The following RUNDC3A variants were observed in gnomAD, a reference collection of about 807,000 sequenced individuals.
RUNDC3A encodes RUN domain containing 3A.
A neutral mutation model predicts 53.9 loss-of-function variants in RUNDC3A; 28 were observed. The observed-to-expected ratio is 0.52, with a 90% CI of 0.38 to 0.71. The LOEUF is 0.71. RUNDC3A is among the 30% of genes least tolerant of loss of function. RUNDC3A has a pLI of 0.00. For synonymous variants in RUNDC3A, 232 were observed against 249.4 expected (o/e 0.93, Z 0.66); for missense variants, 491 against 597.3 (o/e 0.82, Z 1.85).
intron 1 of RUNDC3A, chr17:44,311,404 C>A: frequency 1.1e-6 from 1 of 922,080 alleles, no homozygotes; most frequent in African/African-American, 1.8e-5. Context: ...TACTCATAAG[C>A]CATGTGACTC....
chr17:44,313,504 G>T lies in RUNDC3A; in HGVS notation c.458+1G>T, dbSNP rs1393654572. ...CTCTGCGTGACACCCGGACCACCAG[G>T]TCAGACTTCCCAGGCAACTCAGACC... On this transcript the variant is annotated splice_donor_variant, in intron 4 of 10. Transcript: ENST00000426726. LOFTEE classifies it high-confidence loss of function. 1 of 1,607,120 alleles carries T rather than the reference G, an allele frequency of 6.2e-7. No individual in the cohort carries two copies. Among genetic ancestry groups the T allele is most frequent in the Non-Finnish European group, 8.5e-7 (1 of 1,174,400 alleles).
rs369230112 is a variant in RUNDC3A, at chr17:44,313,159, T to C, written c.279T>C (p.Phe93=). 60 of 1,614,058 alleles carry C rather than the reference T, an allele frequency of 3.7e-5. No individual in the cohort carries two copies. In the African/African-American group the frequency reaches 6.7e-4, roughly 18 times the overall value. ...TCAGCTCAGACGGGCAGCGGGGCTTTTGGGACTATATCCGGCTGGCCTGCA... is the reference window on the plus strand; with the variant it reads ...TCAGCTCAGACGGGCAGCGGGGCTTCTGGGACTATATCCGGCTGGCCTGCA... ...SWFSSDGQRG[F]WDYIRLACSK... Residue 93 remains phenylalanine, a synonymous_variant, in exon 3 of 11, where the codon TTT becomes TTC. Transcript: ENST00000426726.
In RUNDC3A at chr17:44,313,051, G is replaced by A. The variant is rs1301665024; in HGVS notation, c.224-53G>A. On this transcript the variant is annotated intron_variant, in intron 2 of 10. Coordinates refer to ENST00000426726, the MANE Select transcript of RUNDC3A (RefSeq NM_001144825.2). The stretch of plus-strand genomic sequence containing the variant: ...ATGCATGTGAGTGCCTCACTACATG[G>A]ACCCTCTCCAAACTCCCTGGTCTTG... 4.4e-6 allele frequency: 7 copies of A among 1,599,260 alleles called. No homozygotes were observed. In the Admixed American group the frequency reaches 1.2e-4, roughly 27 times the overall value.
intron 1 of RUNDC3A, among the ~76,000 whole-genome samples, chr17:44,311,978 C>T (rs1009962015): frequency 2.0e-5 from 3 of 152,190 alleles, no homozygotes; most frequent in African/African-American, 7.2e-5. Flanking sequence ...TGTGGGAGGC[C>T]AAGCCGGGAA....
rs2047919579 is a variant in RUNDC3A at position 44,318,445 on chromosome 17, G to A, written c.*207G>A. Reference sequence around the variant, plus strand: ...GGAAGAAAGCACGCTGGGCCAGGAGGCAGGGGTGCCCAAGCCACAGGGAGC... The same window carrying A: ...GGAAGAAAGCACGCTGGGCCAGGAGACAGGGGTGCCCAAGCCACAGGGAGC... On this transcript the variant is annotated 3_prime_UTR_variant, in exon 11 of 11. Transcript: ENST00000426726. 2 of 607,246 alleles carry A rather than the reference G, an allele frequency of 3.3e-6. No homozygotes were observed. The highest frequency in any genetic ancestry group is 3.0e-5 in the Admixed American group (1 of 33,312). 37.6% of individuals were successfully genotyped at this position (607,246 alleles called of 1,614,324 possible). A position where few individuals can be genotyped will look rare whatever the true frequency, so the allele number is the denominator to read the frequency against.
Position 44,315,775 on chromosome 17 carries a change from G to A in RUNDC3A, c.953+166G>A. The A allele has an allele frequency of 1.8e-6, 1 of 542,504 alleles. No individual in the cohort carries two copies. Among genetic ancestry groups the A allele is most frequent in the Non-Finnish European group, 2.9e-6 (1 of 344,254 alleles). 33.6% of individuals were successfully genotyped at this position (542,504 alleles called of 1,614,324 possible). Reference sequence around the variant, plus strand: ...AGCCCCACCCCGAGATGCCCACAATGATCTTCTAACATTGCCCCCAGCATA... The same window carrying A: ...AGCCCCACCCCGAGATGCCCACAATAATCTTCTAACATTGCCCCCAGCATA... On this transcript the variant is annotated intron_variant, in intron 8 of 10. Coordinates refer to ENST00000426726, the MANE Select transcript of RUNDC3A (RefSeq NM_001144825.2). This position sits in a 1 kb window ranked among gnomAD's most constrained non-coding sequence, Gnocchi z 6.1.
chr17:44,316,371 C>T lies in RUNDC3A; in HGVS notation c.954-14C>T, dbSNP rs751084181. On this transcript the variant is annotated splice_polypyrimidine_tract_variant and intron_variant, in intron 8 of 10. Transcript: ENST00000426726. Reference sequence around the variant, plus strand: ...CTACTTCCAGCCAGGCCTGACTCCTCCTCCCCCTCCCAGGACAGGTCTGAT... The same window carrying T: ...CTACTTCCAGCCAGGCCTGACTCCTTCTCCCCCTCCCAGGACAGGTCTGAT... The T allele has an allele frequency of 1.3e-5, 21 of 1,603,054 alleles. No individual in the cohort carries two copies. Among genetic ancestry groups the T allele is most frequent in the Admixed American group, 1.0e-4 (6 of 59,420 alleles).
chr17:44,318,605 T>C lies in RUNDC3A; in HGVS notation c.*367T>C, dbSNP rs2047922961. The C allele has an allele frequency of 9.1e-6, 2 of 220,530 alleles. No individual in the cohort carries two copies. The highest frequency in any genetic ancestry group is 1.8e-5 in the Non-Finnish European group (2 of 109,196). 13.7% of individuals were successfully genotyped at this position (220,530 alleles called of 1,614,324 possible). ...TCTAGCCTCTCCATCTGTCTGTGTATGGCCTGGAGTCACTCCTTCCTCAGC... is the reference window on the plus strand; with the variant it reads ...TCTAGCCTCTCCATCTGTCTGTGTACGGCCTGGAGTCACTCCTTCCTCAGC... On this transcript the variant is annotated 3_prime_UTR_variant, in exon 11 of 11. Coordinates refer to ENST00000426726, the MANE Select transcript of RUNDC3A (RefSeq NM_001144825.2).
At chr17:44,314,409 C>G in intron 4 of RUNDC3A, 1 of 1,178,418 alleles carries the variant, frequency 8.5e-7, no homozygotes, top group Admixed American at 4.2e-5. Context: ...CAAGTTAACA[C>G]GTTTTTTGCG....
At chr17:44,314,077 G>A in intron 4 of RUNDC3A, 2 of 993,144 alleles carry the variant, frequency 2.0e-6, no homozygotes, top group Non-Finnish European at 2.4e-6. Flanking sequence ...ACCTCTGGAT[G>A]AGCCTCAGCC....
At position 44,315,084 on chromosome 17, in the gene RUNDC3A, C is replaced by T; in HGVS notation, c.630-71C>T. The T allele has an allele frequency of 6.2e-7, 1 of 1,608,406 alleles. No individual in the cohort carries two copies. The highest frequency in any genetic ancestry group is 8.5e-7 in the Non-Finnish European group (1 of 1,177,606). On this transcript the variant is annotated intron_variant, in intron 6 of 10. Transcript: ENST00000426726. The surrounding 1 kb of genome is among the most constrained non-coding windows in gnomAD (Gnocchi z 6.1). Reference sequence around the variant, plus strand: ...TCCTGGGGACGTCCTGGTCCCACCGCCCTCAGCGGCCAGCGCAGACGCGCG... The same window carrying T: ...TCCTGGGGACGTCCTGGTCCCACCGTCCTCAGCGGCCAGCGCAGACGCGCG...
Position 44,314,913 on chromosome 17 carries a change from G to T in RUNDC3A, c.549-16G>T. 6.2e-7 allele frequency: 1 copy of T among 1,614,012 alleles called. No homozygotes were observed. The highest frequency in any genetic ancestry group is 8.5e-7 in the Non-Finnish European group (1 of 1,179,900). On this transcript the variant is annotated splice_polypyrimidine_tract_variant and intron_variant, in intron 5 of 10. Transcript: ENST00000426726. ...CCCTCACACCCACCTCCAACCCTGT[G>T]GCTCCTCTGCCTCAGCTTCTGTCTA...
At chr17:44,313,297 G>A in intron 3 of RUNDC3A, 45 bp downstream of exon 3, 1 of 1,609,002 alleles carries the variant, frequency 6.2e-7, no homozygotes, top group Non-Finnish European at 8.5e-7. Flanking sequence ...CTGGACACAG[G>A]GGGCCTGCCT....
intron 5 of RUNDC3A, 23 bp from the exon 6 acceptor site, chr17:44,314,906 A>G: frequency 6.2e-7 from 1 of 1,613,906 alleles, no homozygotes; most frequent in Non-Finnish European, 8.5e-7. Context: ...CCCACCTCCA[A>G]CCCTGTGGCT....
rs979503843 is a variant in RUNDC3A at position 44,316,720 on chromosome 17, C to T, written c.1193C>T (p.Pro398Leu). The T allele has an allele frequency of 1.9e-6, 3 of 1,547,502 alleles. No individual in the cohort carries two copies. In the African/African-American group the frequency reaches 4.1e-5, roughly 21 times the overall value. ...ACGCGGGACGAGGAGCCCTGGGGTC[C>T]CATCGGTGAGCTCCCCCAACCCAAC... The part of the protein sequence containing the change: ...EGTRDEEPWG[P>L]IGKDPTPSML... Residue 398 changes from proline to leucine, a missense_variant, in exon 10 of 11, where the codon CCC becomes CTC. Physicochemically the swap from Pro to Leu is moderately conservative, Grantham distance 98. This residue lies in a region of RUNDC3A where 218 missense variants were observed against 208.2 expected (regional missense o/e 1.05). Coordinates refer to ENST00000426726, the MANE Select transcript of RUNDC3A (RefSeq NM_001144825.2).
At chr17:44,313,358 C>T in intron 3 of RUNDC3A, 60 bp from the exon 4 acceptor site, 1 of 1,610,042 alleles carries the variant, frequency 6.2e-7, no homozygotes, top group African/African-American at 1.3e-5. Flanking sequence ...AGGGCCCACA[C>T]CTGATGCTGG....
intron 10 of RUNDC3A, 128 bp from the exon 11 acceptor site, chr17:44,317,968 C>T: frequency 1.1e-6 from 1 of 949,498 alleles, no homozygotes; most frequent in Non-Finnish European, 1.6e-6. Context: ...CTGAAAATGG[C>T]AAATGCTGTG....
At chr17:44,312,724 C>A in intron 2 of RUNDC3A, 29 bp downstream of exon 2, 1 of 1,002,350 alleles carries the variant, frequency 1.0e-6, no homozygotes, top group Non-Finnish European at 1.3e-6. Context: ...CCCCAGCGGT[C>A]CCTCCCCCAG....
rs1360701074 is a variant in RUNDC3A at position 44,318,259 on chromosome 17, AG to A, written c.*22del. 6.5e-7 allele frequency: 1 copy of A among 1,539,664 alleles called. No individual in the cohort carries two copies. The highest frequency in any genetic ancestry group is 8.8e-7 in the Non-Finnish European group (1 of 1,138,442). On this transcript the variant is annotated 3_prime_UTR_variant, in exon 11 of 11. Coordinates refer to ENST00000426726, the MANE Select transcript of RUNDC3A (RefSeq NM_001144825.2). ...GCTGAGGAACAGCATGGGCAGTGCCAGCCCCACCTGCCAGGGGCCATGGACA... is the reference window on the plus strand; with the variant it reads ...GCTGAGGAACAGCATGGGCAGTGCCACCCCACCTGCCAGGGGCCATGGACA...
Sources: allele counts gnomAD v4.1 joint callset (sites outside exome capture counted in the v4.1 genomes callset), GRCh38; gene constraint gnomAD v4.1.1; regional missense constraint gnomAD v4.1.1; non-coding constraint Gnocchi (gnomAD v3.1); transcripts MANE v1.5; gene names NCBI Gene and HGNC (gene_info 2026-07-23, HGNC 2026-07-21).